Variants in ARHGEF10 observed in about 807,000 individuals in gnomAD.
The protein encoded by ARHGEF10 is Rho guanine nucleotide exchange factor 10, also known as Rho guanine nucleotide exchange factor (GEF) 10.
A neutral mutation model predicts 147.4 loss-of-function variants in ARHGEF10; 140 were observed. That is an observed-to-expected ratio of 0.95 (90% CI 0.83 to 1.09). The LOEUF is 1.09. Among genes scored for constraint, ARHGEF10 ranks in the 50% least tolerant of loss-of-function variants. The pLI, the probability that ARHGEF10 is intolerant of heterozygous loss-of-function variation, is 0.00. For missense variants in ARHGEF10, 2,222 were observed against 1,752.7 expected (o/e 1.27, Z -4.78); for synonymous variants, 902 against 695.8 (o/e 1.30, Z -4.67).
chr8:1,888,467 G>GCGAGGAGACACT (rs1808988390), intron 11 of ARHGEF10, among the ~76,000 whole-genome samples: 1 of 104,580 alleles, frequency 9.6e-6, no homozygotes, highest in Non-Finnish European at 2.0e-5. Context: ...GGGGTGAGGG[G>GCGAGGAGACACT]TATTGAGGAG....
chr8:1,870,578 T>G (rs1398644449), intron 7 of ARHGEF10: 1 of 152,112 alleles, frequency 6.6e-6, no homozygotes, highest in Non-Finnish European at 1.5e-5. Flanking sequence ...AGAAATATAA[T>G]GCAAATTCTA....
intron 4 of ARHGEF10, 74 bp from the exon 5 acceptor site, chr8:1,864,299 A>G (rs1056442659): frequency 6.9e-7 from 1 of 1,452,064 alleles, no homozygotes; most frequent in African/African-American, 1.4e-5. Context: ...AACCATTTTT[A>G]AGGGTAAAAA....
At chr8:1,833,254 A>C (rs1398806401) in intron 1 of ARHGEF10, among the ~76,000 whole-genome samples, 7 of 151,014 alleles carry the variant, frequency 4.6e-5, no homozygotes, top group Non-Finnish European at 1.5e-5. Flanking sequence ...ACAGAGGCCG[A>C]GACAGAGGCA....
At chr8:1,925,190 C>T in intron 21 of ARHGEF10, 93 bp from the exon 22 acceptor site, 3 of 1,539,600 alleles carry the variant, frequency 1.9e-6, no homozygotes, top group Non-Finnish European at 1.8e-6. Context: ...AACAGAATGC[C>T]AGAAACTTCC....
chr8:1,871,555 C>T (rs920472168), intron 7 of ARHGEF10, among the ~76,000 whole-genome samples: 2 of 152,122 alleles, frequency 1.3e-5, no homozygotes, highest in African/African-American at 4.8e-5. Context: ...CGCGGTGGCT[C>T]ACACCTGTAA....
chr8:1,865,341 T>TC (rs1806491381), intron 5 of ARHGEF10, among the ~76,000 whole-genome samples: 1 of 145,218 alleles, frequency 6.9e-6, no homozygotes, highest in African/African-American at 2.6e-5. Context: ...ACACAGGGCA[T>TC]CCCCCAGCAC....
At chr8:1,834,012 C>T (rs909178981) in intron 1 of ARHGEF10, among the ~76,000 whole-genome samples, 3 of 152,162 alleles carry the variant, frequency 2.0e-5, no homozygotes, top group Admixed American at 1.3e-4. Flanking sequence ...CCAGCCCTCC[C>T]GGGGAAGGGT....
chr8:1,927,306 G>C (rs991787464), intron 23 of ARHGEF10: 2 of 152,288 alleles, frequency 1.3e-5, no homozygotes, highest in African/African-American at 4.8e-5. Context: ...CTGTAGGCAG[G>C]ACAGGGGCTT....
intron 28 of ARHGEF10, among the ~76,000 whole-genome samples, chr8:1,954,589 A>G (rs1382673045): frequency 6.6e-6 from 1 of 152,234 alleles, no homozygotes; most frequent in East Asian, 1.9e-4. Context: ...GGTAACGAGA[A>G]GAGGCCACCT....
At chr8:1,952,574 T>C in intron 27 of ARHGEF10, 131 bp from the exon 28 acceptor site, 1 of 1,270,298 alleles carries the variant, frequency 7.9e-7, no homozygotes, top group Admixed American at 1.9e-5. Context: ...TGGGAACTCC[T>C]GTGCCACATC....
intron 15 of ARHGEF10, among the ~76,000 whole-genome samples, chr8:1,900,992 C>A (rs544113325): frequency 1.3e-5 from 2 of 152,002 alleles, no homozygotes; most frequent in Non-Finnish European, 2.9e-5. Context: ...ACTTTTTGCC[C>A]ACATTTGATG....
At chr8:1,875,259 G>A (rs1162060241) in intron 7 of ARHGEF10, among the ~76,000 whole-genome samples, 5 of 150,768 alleles carry the variant, frequency 3.3e-5, no homozygotes, top group African/African-American at 9.8e-5. Context: ...AGGGCGTGTA[G>A]GGGGTGGAGG....
intron 1 of ARHGEF10, among the ~76,000 whole-genome samples, chr8:1,835,323 C>T (rs1394048798): frequency 3.3e-5 from 5 of 152,182 alleles, no homozygotes; most frequent in Admixed American, 2.6e-4. Flanking sequence ...TCTGAAACCA[C>T]GCGGCAGCCC....
intron 8 of ARHGEF10, among the ~76,000 whole-genome samples, chr8:1,877,184 A>G (rs1365107924): frequency 6.6e-6 from 1 of 152,340 alleles, no homozygotes; most frequent in South Asian, 2.1e-4. Context: ...AGAAGATGTT[A>G]AGGGACAAAA....
intron 25 of ARHGEF10, among the ~76,000 whole-genome samples, chr8:1,929,922 C>T (rs748420708): frequency 6.6e-5 from 10 of 152,218 alleles, no homozygotes; most frequent in Non-Finnish European, 1.5e-4. Flanking sequence ...AGACGAGGCC[C>T]TCCCTGGCCC....
chr8:1,826,921 C>G (rs1207175710), intron 1 of ARHGEF10, among the ~76,000 whole-genome samples: 1 of 152,232 alleles, frequency 6.6e-6, no homozygotes, highest in African/African-American at 2.4e-5. Flanking sequence ...AACTTCAGCT[C>G]TCTCCCTTAA....
At chr8:1,909,597 G>A in intron 18 of ARHGEF10, 127 bp downstream of exon 18, 1 of 1,281,590 alleles carries the variant, frequency 7.8e-7, no homozygotes, top group Non-Finnish European at 1.1e-6. Flanking sequence ...AGTCTGCAGA[G>A]GTGATCCAGT....
intron 23 of ARHGEF10, 113 bp from the exon 24 acceptor site, chr8:1,928,314 T>G: frequency 2.1e-6 from 2 of 946,088 alleles, no homozygotes; most frequent in Non-Finnish European, 3.4e-6. Context: ...TTAAGTGTGT[T>G]GATTCTCACA....
In ARHGEF10 at chr8:1,907,897, A is replaced by G. The variant is rs1414202274; in HGVS notation, c.1968-1398A>G. Among the ~76,000 whole-genome samples the G allele has an allele frequency of 3.9e-5, 6 of 152,198 alleles. No individual in the cohort carries two copies. In the East Asian group the frequency reaches 9.6e-4, roughly 24 times the overall value. ...GGACCCTTTGGTCGGCCCTGTGAAC[A>G]TTAAGATTCTAAACCTCCTCTGTAG... On this transcript the variant is annotated intron_variant, in intron 17 of 28. Coordinates refer to ENST00000349830, the MANE Select transcript of ARHGEF10 (RefSeq NM_014629.4).
Sources: gnomAD v4.1 joint callset for allele counts (sites outside exome capture counted in the v4.1 genomes callset) on GRCh38, gnomAD v4.1.1 for gene constraint, MANE v1.5 for transcripts, NCBI Gene and HGNC (gene_info 2026-07-23, HGNC 2026-07-21) for gene names.